ATXN1: variants seen among roughly 807,000 people sequenced by gnomAD.
ATXN1 encodes the protein ataxin-1.
ATXN1 carries 8 observed loss-of-function variants against 56.4 expected under a neutral mutation model. That is an observed-to-expected ratio of 0.14 (90% CI 0.08 to 0.26). ATXN1 has a LOEUF of 0.26. Ranked by LOEUF, ATXN1 falls within the 10% of genes least tolerant of loss-of-function variation. ATXN1 has a pLI of 1.00. For missense variants in ATXN1, 987 were observed against 1,106.5 expected, an observed-to-expected ratio of 0.89 and a Z score of 1.53; for synonymous variants, 514 against 494.6, an observed-to-expected ratio of 1.04 and a Z score of -0.52.
At chr6:16,660,273 A>T (rs1020802322) in intron 2 of ATXN1, among the ~76,000 whole-genome samples, 4 of 152,240 alleles carry the variant, frequency 2.6e-5, no homozygotes, top group Admixed American at 2.6e-4. Context: ...AGCAAAGATA[A>T]GGCCAAAAGC....
chr6:16,322,162 T>C (rs560505619), intron 7 of ATXN1, among the ~76,000 whole-genome samples: 1 of 152,280 alleles, frequency 6.6e-6, no homozygotes, highest in South Asian at 2.1e-4. Flanking sequence ...AGGTTGAGGC[T>C]GCAGTGAGCC....
chr6:16,320,903 T>C lies in ATXN1; in HGVS notation c.1917+5491A>G, dbSNP rs377664483. Among the ~76,000 whole-genome samples the C allele has an allele frequency of 3.9e-5, 6 of 152,128 alleles. No individual in the cohort carries two copies. In the East Asian group the frequency reaches 7.7e-4, roughly 20 times the overall value. ...CCGAGGATTACAGGCAGGGTAAAAA[T>C]GGCTTATTGTGCTCATTGGAAAAGT... On this transcript the variant is annotated intron_variant, in intron 7 of 7. Transcript: ENST00000436367.
At chr6:16,558,277 G>T (rs1330114034) in intron 4 of ATXN1, among the ~76,000 whole-genome samples, 3 of 144,224 alleles carry the variant, frequency 2.1e-5, no homozygotes, top group African/African-American at 7.8e-5. Flanking sequence ...CTCCAGCCTG[G>T]GTGACAGAGC....
chr6:16,382,048 T>A (rs1758136727), intron 6 of ATXN1, among the ~76,000 whole-genome samples: 1 of 152,080 alleles, frequency 6.6e-6, no homozygotes, highest in Admixed American at 6.6e-5. Flanking sequence ...CAAAACAAAT[T>A]AATAATTCAT....
chr6:16,563,656 GGTTCAAGTT>G (rs1230103981), intron 4 of ATXN1, among the ~76,000 whole-genome samples: 1 of 152,064 alleles, frequency 6.6e-6, no homozygotes, highest in Admixed American at 6.6e-5. Context: ...GGGGTGTGAG[GGTTCAAGTT>G]GATACACAGG....
chr6:16,345,408 G>A (rs1192686235), intron 6 of ATXN1, among the ~76,000 whole-genome samples: 1 of 152,202 alleles, frequency 6.6e-6, no homozygotes, highest in Non-Finnish European at 1.5e-5. Context: ...CACCTCGGTA[G>A]TCTCTGGATT....
Position 16,299,556 on chromosome 6 carries a change from T to G in ATXN1, c.*6773A>C, listed in dbSNP as rs762462482. On this transcript the variant is annotated 3_prime_UTR_variant, in exon 8 of 8. Transcript: ENST00000436367. Reference sequence around the variant, plus strand: ...TTCCTTCCCTAGTTCTCCTCTGTACTGGCCATGTCAGTCTGGTAGTGCCCT... The same window carrying G: ...TTCCTTCCCTAGTTCTCCTCTGTACGGGCCATGTCAGTCTGGTAGTGCCCT... 2 of 152,694 alleles carry G rather than the reference T, an allele frequency of 1.3e-5. No homozygotes were observed. Among genetic ancestry groups the G allele is most frequent in the Non-Finnish European group, 2.9e-5 (2 of 68,060 alleles). The allele number at this position is 152,694 out of a possible 1,614,324, so 9.5% of individuals were successfully genotyped here.
intron 6 of ATXN1, among the ~76,000 whole-genome samples, chr6:16,451,206 G>A (rs1759746626): frequency 6.6e-6 from 1 of 152,200 alleles, no homozygotes; most frequent in African/African-American, 2.4e-5. Context: ...AGTTGCTCAC[G>A]CCTGTAATCC....
intron 5 of ATXN1, among the ~76,000 whole-genome samples, chr6:16,505,347 GA>G (rs1310957948): frequency 5.9e-5 from 9 of 152,166 alleles, no homozygotes; most frequent in Admixed American, 5.9e-4. Flanking sequence ...TAAACAGTAT[GA>G]AAAAGGTCCC....
intron 6 of ATXN1, among the ~76,000 whole-genome samples, chr6:16,426,725 T>C (rs1225417313): frequency 6.6e-6 from 1 of 151,986 alleles, no homozygotes; most frequent in East Asian, 1.9e-4. Flanking sequence ...CATTTGTACA[T>C]CTCTGTCTAT....
intron 6 of ATXN1, among the ~76,000 whole-genome samples, chr6:16,356,708 C>A (rs1761694788): frequency 6.6e-6 from 1 of 152,160 alleles, no homozygotes; most frequent in Non-Finnish European, 1.5e-5. Flanking sequence ...CTTATGCAGA[C>A]CACCCTGGGT....
At chr6:16,485,008 C>T (rs1760516295) in intron 6 of ATXN1, 1 of 147,662 alleles carries the variant, frequency 6.8e-6, no homozygotes, top group Admixed American at 6.8e-5. Context: ...CACACACATA[C>T]ATAAACAAGA....
intron 6 of ATXN1, among the ~76,000 whole-genome samples, chr6:16,430,643 G>C (rs1759260947): frequency 6.6e-6 from 1 of 152,154 alleles, no homozygotes; most frequent in South Asian, 2.1e-4. Flanking sequence ...TAAGGGAGAG[G>C]AGAATGTCTA....
At chr6:16,325,516 T>C (rs1250992803) in intron 7 of ATXN1, among the ~76,000 whole-genome samples, 1 of 152,032 alleles carries the variant, frequency 6.6e-6, no homozygotes, top group Non-Finnish European at 1.5e-5. Flanking sequence ...TAACCAATCC[T>C]AAACCCGTTT....
At chr6:16,586,700 C>T (rs1446504918) in intron 3 of ATXN1, among the ~76,000 whole-genome samples, 1 of 152,206 alleles carries the variant, frequency 6.6e-6, no homozygotes, top group African/African-American at 2.4e-5. Context: ...GCTGATCTTT[C>T]TACCAACACT....
intron 6 of ATXN1, among the ~76,000 whole-genome samples, chr6:16,406,532 T>C (rs1758688743): frequency 1.3e-5 from 2 of 152,362 alleles, no homozygotes; most frequent in South Asian, 4.1e-4. Context: ...TAGGAATTAA[T>C]AGTACTTTCT....
At chr6:16,743,617 A>C (rs1760418784) in intron 2 of ATXN1, among the ~76,000 whole-genome samples, 2 of 152,192 alleles carry the variant, frequency 1.3e-5, no homozygotes, top group East Asian at 1.9e-4. Context: ...TGGGCCAGGA[A>C]AGGGGTTGTG....
intron 6 of ATXN1, among the ~76,000 whole-genome samples, chr6:16,425,861 C>T (rs933640890): frequency 6.6e-5 from 10 of 152,278 alleles, no homozygotes; most frequent in African/African-American, 2.4e-4. Context: ...CATCCCGTAG[C>T]AGATGACCCT....
intron 4 of ATXN1, among the ~76,000 whole-genome samples, chr6:16,552,437 T>C (rs758065582): frequency 7.9e-5 from 12 of 152,222 alleles, no homozygotes; most frequent in Non-Finnish European, 1.5e-4. Flanking sequence ...AAAAATATTG[T>C]GCACAACGTT....
Sources: allele counts gnomAD v4.1 joint callset (sites outside exome capture counted in the v4.1 genomes callset), GRCh38; gene constraint gnomAD v4.1.1; transcripts MANE v1.5; gene names NCBI Gene and HGNC (gene_info 2026-07-23, HGNC 2026-07-21).